The following MON2 variants were observed in gnomAD, a reference collection of about 807,000 sequenced individuals.
The protein encoded by MON2 is protein MON2 homolog.
MON2 carries 84 observed loss-of-function variants against 208.6 expected under a neutral mutation model. That is an observed-to-expected ratio of 0.40 (90% CI 0.34 to 0.48). The LOEUF (loss-of-function observed/expected upper bound fraction) is 0.48. Ranked by LOEUF, MON2 falls within the 20% of genes least tolerant of loss-of-function variation. MON2 has a pLI of 0.59. For missense variants in MON2, 1,611 were observed against 2,015.4 expected (o/e 0.80, Z 3.84); for synonymous variants, 660 against 694.0 (o/e 0.95, Z 0.77).
At chr12:62,501,482 A>AAGAT in intron 6 of MON2, 91 bp from the exon 7 acceptor site, 1 of 1,461,508 alleles carries the variant, frequency 6.8e-7, no homozygotes, top group Non-Finnish European at 9.4e-7. Flanking sequence ...ATTATATAAG[A>AAGAT]AGATAGATTT....
intron 2 of MON2, among the ~76,000 whole-genome samples, chr12:62,486,316 T>C (rs915764626): frequency 1.4e-5 from 2 of 142,422 alleles, no homozygotes; most frequent in African/African-American, 4.9e-5. Context: ...CCAAGTAAAA[T>C]GTCTAATAAA....
intron 11 of MON2, among the ~76,000 whole-genome samples, chr12:62,527,117 C>A (rs1042848781): frequency 6.6e-6 from 1 of 152,104 alleles, no homozygotes; most frequent in African/African-American, 2.4e-5. Flanking sequence ...CAGAGTGAGA[C>A]TCTGTCTAAA....
At chr12:62,475,650 G>T (rs2069035476) in intron 1 of MON2, among the ~76,000 whole-genome samples, 1 of 148,130 alleles carries the variant, frequency 6.8e-6, no homozygotes, top group Non-Finnish European at 1.5e-5. Flanking sequence ...TGATCTGCCC[G>T]CCTCAGCCTC....
At chr12:62,553,532 T>G (rs1592378061) in intron 24 of MON2, among the ~76,000 whole-genome samples, 1 of 152,310 alleles carries the variant, frequency 6.6e-6, no homozygotes, top group South Asian at 2.1e-4. Flanking sequence ...TTTTGGGGTT[T>G]TTGTTTGTTT....
chr12:62,571,404 C>T lies in MON2; in HGVS notation c.4336C>T (p.Pro1446Ser). 1 of 1,601,560 alleles carries T rather than the reference C, an allele frequency of 6.2e-7. No homozygotes were observed. Among genetic ancestry groups the T allele is most frequent in the Non-Finnish European group, 8.5e-7 (1 of 1,171,992 alleles). ...LQNIIKTLRV[P>S]LSLKYSCPSE... ...TCTTTATTTTCAGACTCTTAGGGTT[C>T]CTCTCAGTTTGAAGTATTCCTGCCC... The change falls in exon 30 of 35, where the codon CCT becomes TCT. Residue 1446 changes from proline (P) to serine (S), a missense_variant. By Grantham distance (74) the Pro-to-Ser change is moderately conservative (BLOSUM62 -1). Coordinates refer to ENST00000393630, the MANE Select transcript of MON2 (RefSeq NM_015026.3).
intron 9 of MON2, 130 bp downstream of exon 9, chr12:62,524,769 C>A: frequency 1.1e-6 from 1 of 941,144 alleles, no homozygotes; most frequent in Non-Finnish European, 1.6e-6. Context: ...GATTTCTAAA[C>A]AAAGAAAATA....
In MON2 at chr12:62,535,546, G is replaced by A; in HGVS notation, c.1737G>A (p.Glu579=). The change falls in exon 14 of 35, where the codon GAG becomes GAA. Residue 579 remains glutamate, a synonymous_variant. Coordinates refer to ENST00000393630, the MANE Select transcript of MON2 (RefSeq NM_015026.3). ...TCAGCACAGATGAAGCTGCCACTGA[G>A]AATATTTTAAAAGCTGAACTGACTA... ...LDASTDEAAT[E]NILKAELTMA... is the part of the protein sequence containing the mutation. 1 of 1,607,322 alleles carries A rather than the reference G, an allele frequency of 6.2e-7. No individual in the cohort carries two copies. The highest frequency in any genetic ancestry group is 8.5e-7 in the Non-Finnish European group (1 of 1,177,814).
chr12:62,467,557 T>A (rs2068577967), intron 1 of MON2, among the ~76,000 whole-genome samples: 1 of 152,226 alleles, frequency 6.6e-6, no homozygotes, highest in South Asian at 2.1e-4. Flanking sequence ...GAAGTGAGCC[T>A]ATTCAGTTAA....
intron 1 of MON2, among the ~76,000 whole-genome samples, chr12:62,474,114 C>G (rs2068940027): frequency 6.7e-6 from 1 of 150,110 alleles, no homozygotes; most frequent in African/African-American, 2.4e-5. Context: ...TTTTTCTTTT[C>G]TTTTCTTTTT....
Position 62,592,793 on chromosome 12 carries a change from G to A in MON2, c.*44G>A. The A allele has an allele frequency of 6.7e-7, 1 of 1,501,738 alleles. No individual in the cohort carries two copies. Among genetic ancestry groups the A allele is most frequent in the African/African-American group, 1.4e-5 (1 of 72,760 alleles). The allele number at this position is 1,501,738 out of a possible 1,614,324, so 93.0% of individuals were successfully genotyped here. ...AAAGCAGGAAGATAGTCTAAAAAAT[G>A]TTTGCTCCTAATTGAGTCTTCTGTG... On this transcript the variant is annotated 3_prime_UTR_variant, in exon 35 of 35. Coordinates refer to ENST00000393630, the MANE Select transcript of MON2 (RefSeq NM_015026.3).
chr12:62,557,912 C>T (rs2074028246), intron 25 of MON2, among the ~76,000 whole-genome samples: 1 of 115,808 alleles, frequency 8.6e-6, no homozygotes, highest in South Asian at 2.8e-4. Flanking sequence ...CTCTTAAAAG[C>T]TGAGAACGAA....
Position 62,524,595 on chromosome 12 carries a change from G to C in MON2, c.1065G>C (p.Ala355=). Residue 355 remains alanine, a synonymous_variant, in exon 9 of 35, where the codon GCG becomes GCC. Coordinates refer to ENST00000393630, the MANE Select transcript of MON2 (RefSeq NM_015026.3). ...ADKPQWLRAV[A]VESIHRFCVQ... ...AACCACAGTGGCTACGAGCTGTTGC[G>C]GTGGAATCAATACACAGATTCTGTG... The C allele has an allele frequency of 6.2e-7, 1 of 1,613,404 alleles. No individual in the cohort carries two copies. Among genetic ancestry groups the C allele is most frequent in the Non-Finnish European group, 8.5e-7 (1 of 1,179,562 alleles).
intron 8 of MON2, 134 bp from the exon 9 acceptor site, chr12:62,524,380 TC>T: frequency 1.6e-6 from 1 of 625,326 alleles, no homozygotes. Flanking sequence ...GTTTCTCCAC[TC>T]CCCATTAAGA....
At chr12:62,498,883 A>T (rs368222527) in intron 4 of MON2, 36 bp from the exon 5 acceptor site, 2 of 1,557,540 alleles carry the variant, frequency 1.3e-6, no homozygotes, top group South Asian at 2.4e-5. Context: ...TTGCTTTTCA[A>T]TCTTATTTCA....
At chr12:62,548,521 T>C (rs1335681410) in intron 22 of MON2, among the ~76,000 whole-genome samples, 4 of 152,220 alleles carry the variant, frequency 2.6e-5, no homozygotes, top group Non-Finnish European at 5.9e-5. Flanking sequence ...TCGGAAGTTG[T>C]AGACGACCAA....
chr12:62,522,681 C>T (rs1177132867), intron 8 of MON2, among the ~76,000 whole-genome samples: 1 of 152,134 alleles, frequency 6.6e-6, no homozygotes, highest in Non-Finnish European at 1.5e-5. Context: ...TACCTGTTTC[C>T]TTATAAGTGC....
At chr12:62,497,361 A>G (rs1218868887) in intron 4 of MON2, among the ~76,000 whole-genome samples, 1 of 152,174 alleles carries the variant, frequency 6.6e-6, no homozygotes, top group Non-Finnish European at 1.5e-5. Context: ...AGTATGGACA[A>G]ATGGTTTCAA....
At chr12:62,504,227 A>G (rs2070985306) in intron 7 of MON2, among the ~76,000 whole-genome samples, 1 of 141,146 alleles carries the variant, frequency 7.1e-6, no homozygotes, top group Non-Finnish European at 1.5e-5. Context: ...GTTTTTACAG[A>G]TTTTTTTCTT....
At chr12:62,562,854 T>C (rs1395915116) in intron 26 of MON2, among the ~76,000 whole-genome samples, 2 of 152,188 alleles carry the variant, frequency 1.3e-5, no homozygotes, top group African/African-American at 4.8e-5. Context: ...GTTCTCAGTC[T>C]TCTCTTTGTT....
Sources: gnomAD v4.1 joint callset for allele counts (sites outside exome capture counted in the v4.1 genomes callset) on GRCh38, gnomAD v4.1.1 for gene constraint, MANE v1.5 for transcripts, NCBI Gene and HGNC (gene_info 2026-07-23, HGNC 2026-07-21) for gene names.